RGS7: variants seen among roughly 807,000 people sequenced by gnomAD.
RGS7 encodes the protein regulator of G protein signaling 7, also known as regulator of G-protein signaling 7.
RGS7 carries 27 observed loss-of-function variants against 81.1 expected under a neutral mutation model. That is an observed-to-expected ratio of 0.33 (90% CI 0.25 to 0.46). The LOEUF is 0.46. Among genes scored for constraint, RGS7 ranks in the 20% least tolerant of loss-of-function variants. The pLI, the probability that RGS7 is intolerant of heterozygous loss-of-function variation, is 1.00. For synonymous variants in RGS7, 208 were observed against 207.7 expected, an observed-to-expected ratio of 1.00 and a Z score of -0.01; for missense variants, 396 against 607.4, an observed-to-expected ratio of 0.65 and a Z score of 3.66.
In RGS7 at chr1:241,041,149, C is replaced by A. The variant is rs144930376; in HGVS notation, c.175+57517G>T. On this transcript the variant is annotated intron_variant, in intron 3 of 18. Coordinates refer to ENST00000440928, the MANE Select transcript of RGS7 (RefSeq NM_001364886.1). ...TTTTGAAAATGAACTGAAAAAAGAC[C>A]TACTTAGGAAACAGAAATACTTCTG... 8.5e-5 allele frequency among the ~76,000 whole-genome samples: 13 copies of A among 152,112 alleles called. No individual in the cohort carries two copies. In the East Asian group the frequency reaches 2.5e-3, roughly 29 times the overall value.
chr1:241,044,664 T>G (rs1385065909), intron 3 of RGS7, among the ~76,000 whole-genome samples: 1 of 152,162 alleles, frequency 6.6e-6, no homozygotes, highest in Non-Finnish European at 1.5e-5. Context: ...ACTACTGGCC[T>G]CAAGCAGTCT....
chr1:241,001,957 AGTGCGATAATGATGGCCCCT>A (rs1449417281), intron 3 of RGS7, among the ~76,000 whole-genome samples: 2 of 152,096 alleles, frequency 1.3e-5, no homozygotes, highest in Admixed American at 6.6e-5. Context: ...ATGACGCGTC[AGTGCGATAATGATGGCCCCT>A]GTGCGATAAT....
intron 2 of RGS7, among the ~76,000 whole-genome samples, chr1:241,149,578 C>T (rs986420086): frequency 1.3e-5 from 2 of 152,176 alleles, no homozygotes; most frequent in Non-Finnish European, 2.9e-5. Flanking sequence ...ACATAAATGA[C>T]CCTTTTCCCT....
chr1:241,053,980 G>C lies in RGS7; in HGVS notation c.175+44686C>G, dbSNP rs747613205. Among the ~76,000 whole-genome samples, 166 of 152,116 alleles carry C rather than the reference G, an allele frequency of 1.1e-3. 2 individuals carry two copies. Among genetic ancestry groups the C allele is most frequent in the Middle Eastern group, 3.4e-3 (1 of 294 alleles). The stretch of plus-strand genomic sequence containing the variant: ...TTTTCTTTATAAATTATCCAGTCTC[G>C]GGTACGTCTTTATCAGCAGTGTAAG... On this transcript the variant is annotated intron_variant, in intron 3 of 18. Coordinates refer to ENST00000440928, the MANE Select transcript of RGS7 (RefSeq NM_001364886.1).
intron 5 of RGS7, among the ~76,000 whole-genome samples, chr1:240,935,620 TG>T (rs1301926509): frequency 6.6e-6 from 1 of 152,220 alleles, no homozygotes. Context: ...GACTGTTCTA[TG>T]AGGACAATAA....
intron 3 of RGS7, among the ~76,000 whole-genome samples, chr1:241,024,003 T>G (rs993352061): frequency 6.6e-6 from 1 of 152,176 alleles, no homozygotes; most frequent in Non-Finnish European, 1.5e-5. Context: ...CTGCCTGCCT[T>G]GGCCTCCCAA....
intron 3 of RGS7, among the ~76,000 whole-genome samples, chr1:241,029,067 G>C (rs928193945): frequency 1.3e-5 from 2 of 152,102 alleles, no homozygotes; most frequent in African/African-American, 4.8e-5. Context: ...AAAATCAAAG[G>C]GACAAAGAGA....
At chr1:241,248,367 C>T (rs924932767) in intron 2 of RGS7, among the ~76,000 whole-genome samples, 26 of 144,068 alleles carry the variant, frequency 1.8e-4, no homozygotes, top group African/African-American at 4.6e-4. Context: ...TATATATATA[C>T]GTATATATAT....
intron 2 of RGS7, among the ~76,000 whole-genome samples, chr1:241,346,813 C>T (rs531990854): frequency 6.6e-6 from 1 of 152,126 alleles, no homozygotes; most frequent in Non-Finnish European, 1.5e-5. Flanking sequence ...AATTAACAAT[C>T]AACCAAAAGC....
chr1:241,058,158 G>A (rs969573974), intron 3 of RGS7, among the ~76,000 whole-genome samples: 11 of 152,162 alleles, frequency 7.2e-5, no homozygotes, highest in Non-Finnish European at 1.5e-4. Context: ...TTGGGCAAAT[G>A]GGCTCAAACA....
At chr1:240,973,728 TAC>T (rs1156354082) in intron 4 of RGS7, among the ~76,000 whole-genome samples, 13 of 151,962 alleles carry the variant, frequency 8.6e-5, no homozygotes, top group African/African-American at 3.1e-4. Flanking sequence ...TAGCTGGGAC[TAC>T]AGGGGCCCAC....
chr1:241,156,586 G>C (rs1300030482), intron 2 of RGS7, among the ~76,000 whole-genome samples: 1 of 144,702 alleles, frequency 6.9e-6, no homozygotes. Context: ...GGAGAGGAGG[G>C]GAGGGGAGAC....
chr1:241,066,803 G>C (rs2062088935), intron 3 of RGS7, among the ~76,000 whole-genome samples: 1 of 152,184 alleles, frequency 6.6e-6, no homozygotes, highest in Admixed American at 6.5e-5. Context: ...AAATGTTCAG[G>C]TGACACTGAC....
chr1:240,858,304 G>A (rs2147967849), intron 9 of RGS7, among the ~76,000 whole-genome samples: 1 of 152,246 alleles, frequency 6.6e-6, no homozygotes, highest in Admixed American at 6.5e-5. Context: ...TAGTTTTATA[G>A]GAAACTCCCA....
intron 2 of RGS7, among the ~76,000 whole-genome samples, chr1:241,242,304 G>GACT (rs1340442375): frequency 2.0e-5 from 2 of 97,892 alleles, no homozygotes; most frequent in African/African-American, 4.0e-5. Flanking sequence ...TTCTATGGAT[G>GACT]AGTAGATAGA....
Position 241,232,679 on chromosome 1 carries a change from A to G in RGS7, c.78+123020T>C, listed in dbSNP as rs184071172. On this transcript the variant is annotated intron_variant, in intron 2 of 18. Coordinates refer to ENST00000440928, the MANE Select transcript of RGS7 (RefSeq NM_001364886.1). ...GAGCAGTTTGTCAATTTCTGGAAAA[A>G]AAAAAAAAGGCCTGGGGGGAGCTTA... 2.2e-3 allele frequency among the ~76,000 whole-genome samples: 337 copies of G among 151,948 alleles called. 3 individuals carry two copies. Among genetic ancestry groups the G allele is most frequent in the African/African-American group, 7.8e-3 (323 of 41,472 alleles).
At chr1:241,325,701 CTTG>C (rs1435724291) in intron 2 of RGS7, among the ~76,000 whole-genome samples, 1 of 152,172 alleles carries the variant, frequency 6.6e-6, no homozygotes, top group African/African-American at 2.4e-5. Flanking sequence ...AGATCTGATA[CTTG>C]TTGTGCATGC....
intron 2 of RGS7, among the ~76,000 whole-genome samples, chr1:241,112,653 A>C (rs2065602902): frequency 6.6e-6 from 1 of 152,140 alleles, no homozygotes; most frequent in Non-Finnish European, 1.5e-5. Context: ...TCTCTGTGTA[A>C]CACTCTTGGT....
chr1:240,862,294 A>G (rs1662362110), intron 9 of RGS7, among the ~76,000 whole-genome samples: 1 of 152,174 alleles, frequency 6.6e-6, no homozygotes, highest in Non-Finnish European at 1.5e-5. Flanking sequence ...CATATTATGT[A>G]TATTTTCTAC....
Sources: gnomAD v4.1 joint callset for allele counts (sites outside exome capture counted in the v4.1 genomes callset) on GRCh38, gnomAD v4.1.1 for gene constraint, MANE v1.5 for transcripts, NCBI Gene and HGNC (gene_info 2026-07-23, HGNC 2026-07-21) for gene names.